KATNAL1: variants seen among roughly 807,000 people sequenced by gnomAD.
The protein encoded by KATNAL1 is katanin p60 ATPase-containing subunit A-like 1.
KATNAL1 carries 32 observed loss-of-function variants against 55.2 expected under a neutral mutation model. The observed-to-expected ratio is 0.58, with a 90% CI of 0.44 to 0.78. The LOEUF (loss-of-function observed/expected upper bound fraction) is 0.78. KATNAL1 is among the 30% of genes least tolerant of loss of function. KATNAL1 has a pLI of 0.00. For synonymous variants in KATNAL1, 193 were observed against 193.6 expected, an observed-to-expected ratio of 1.00 and a Z score of 0.02; for missense variants, 466 against 600.9, an observed-to-expected ratio of 0.78 and a Z score of 2.35.
chr13:30,222,540 A>C (rs1874984017), intron 9 of KATNAL1, among the ~76,000 whole-genome samples: 1 of 152,240 alleles, frequency 6.6e-6, no homozygotes. Flanking sequence ...CCAGAACTAC[A>C]GTCATCCAAG....
Position 30,230,537 on chromosome 13 carries a change from G to A in KATNAL1, c.943C>T (p.Arg315Ter), listed in dbSNP as rs1265045426. 3.7e-6 allele frequency: 6 copies of A among 1,612,344 alleles called. No homozygotes were observed. Among genetic ancestry groups the A allele is most frequent in the East Asian group, 2.2e-5 (1 of 44,850 alleles). ...TCATGTTCATCAGAGGTTCCTCTTC[G>A]ACTGCAGATAGAATCTATCTCATCA... Reference protein sequence around the residue: ...FIDEIDSICSRRGTSDEHEAS... With the variant: ...FIDEIDSICS Residue 315 changes from arginine (R) to a stop codon, truncating the protein, a stop_gained, in exon 8 of 11, where the codon CGA becomes TGA. Coordinates refer to ENST00000380615, the MANE Select transcript of KATNAL1 (RefSeq NM_032116.5). LOFTEE classifies it high-confidence loss of function.
chr13:30,299,636 T>C (rs1882740574), intron 1 of KATNAL1, among the ~76,000 whole-genome samples: 1 of 152,184 alleles, frequency 6.6e-6, no homozygotes, highest in Admixed American at 6.5e-5. Flanking sequence ...AAAGACAAAA[T>C]ATTTTAGCAA....
At position 30,203,492 on chromosome 13, in the gene KATNAL1, C is replaced by T. The variant is rs748198803; in HGVS notation, c.*5048G>A. On this transcript the variant is annotated 3_prime_UTR_variant, in exon 11 of 11. Transcript: ENST00000380615. ...AAAGTAAAAGTGCATTTTATAGTTTCGAACAATCAAATGGGAGTCCTTTTA... is the reference window on the plus strand; with the variant it reads ...AAAGTAAAAGTGCATTTTATAGTTTTGAACAATCAAATGGGAGTCCTTTTA... 8.5e-5 allele frequency: 13 copies of T among 152,276 alleles called. 1 individual carries two copies. The highest frequency in any genetic ancestry group is 8.3e-4 in the South Asian group (4 of 4,830). The allele number at this position is 152,276 out of a possible 1,614,324, so 9.4% of individuals were successfully genotyped here.
chr13:30,273,917 A>G (rs76572697), intron 3 of KATNAL1, among the ~76,000 whole-genome samples: 9,702 of 150,140 alleles, frequency 0.065, 460 homozygotes, highest in East Asian at 0.25. Context: ...TATCTCATTA[A>G]TCACCAAATC....
chr13:30,257,708 A>C (rs757194500), intron 3 of KATNAL1, among the ~76,000 whole-genome samples: 2 of 152,146 alleles, frequency 1.3e-5, no homozygotes, highest in Non-Finnish European at 2.9e-5. Flanking sequence ...CTGCATTCTG[A>C]GTGTTTGCCA....
intron 4 of KATNAL1, among the ~76,000 whole-genome samples, chr13:30,253,312 A>T (rs907302046): frequency 1.3e-5 from 2 of 152,152 alleles, no homozygotes; most frequent in African/African-American, 4.8e-5. Context: ...ACAACTGCGG[A>T]GTTCTTTTCT....
intron 1 of KATNAL1, chr13:30,296,149 G>T: frequency 2.0e-6 from 1 of 507,710 alleles, no homozygotes; most frequent in Non-Finnish European, 3.6e-6. Flanking sequence ...GTTCAGTCAT[G>T]GCCTCAGGTA....
At chr13:30,281,704 A>T (rs1001744166) in intron 2 of KATNAL1, 3 of 152,250 alleles carry the variant, frequency 2.0e-5, no homozygotes, top group African/African-American at 7.2e-5. Context: ...AACTTCAAAG[A>T]AACACTTGAC....
intron 9 of KATNAL1, among the ~76,000 whole-genome samples, chr13:30,225,907 A>G (rs557993311): frequency 6.6e-6 from 1 of 152,336 alleles, no homozygotes; most frequent in East Asian, 1.9e-4. Flanking sequence ...GAAAATATGC[A>G]CAATGCACAG....
At chr13:30,220,454 C>G (rs1334252512) in intron 9 of KATNAL1, among the ~76,000 whole-genome samples, 2 of 151,630 alleles carry the variant, frequency 1.3e-5, no homozygotes, top group African/African-American at 4.9e-5. Flanking sequence ...GAGCAAGACT[C>G]CATCTCAAAA....
chr13:30,271,876 A>T (rs1880391393), intron 3 of KATNAL1, among the ~76,000 whole-genome samples: 1 of 112,676 alleles, frequency 8.9e-6, no homozygotes, highest in Non-Finnish European at 1.9e-5. Flanking sequence ...AAAAGAAAAG[A>T]GGAAAAAAAA....
chr13:30,283,510 G>A, intron 2 of KATNAL1, 106 bp downstream of exon 2: 2 of 863,312 alleles, frequency 2.3e-6, no homozygotes, highest in Non-Finnish European at 1.7e-6. Context: ...AGATAAATAG[G>A]CACTATTTCC....
At chr13:30,211,005 T>C (rs531753403) in intron 9 of KATNAL1, among the ~76,000 whole-genome samples, 2 of 152,326 alleles carry the variant, frequency 1.3e-5, no homozygotes, top group African/African-American at 4.8e-5. Flanking sequence ...TGTTCCAGTA[T>C]GATTTAAATG....
rs9670332 is a variant in KATNAL1 at position 30,260,844 on chromosome 13, A to G, written c.324-5229T>C. On this transcript the variant is annotated intron_variant, in intron 3 of 10. Coordinates refer to ENST00000380615, the MANE Select transcript of KATNAL1 (RefSeq NM_032116.5). The stretch of plus-strand genomic sequence containing the variant: ...CCCCAATCTAGCAAGGCAGGCCAAC[A>G]TACAGATTCAGGAAATACAGAGAAC... Among the ~76,000 whole-genome samples, 639 of 133,844 alleles carry G rather than the reference A, an allele frequency of 4.8e-3. 5 individuals carry two copies. The highest frequency in any genetic ancestry group is 5.7e-3 in the Non-Finnish European group (331 of 57,668). 87.8% of individuals were successfully genotyped at this position (133,844 alleles called of 152,430 possible). A position where few individuals can be genotyped will look rare whatever the true frequency, so the allele number is the denominator to read the frequency against.
chr13:30,251,293 T>C (rs1878287024), intron 4 of KATNAL1, among the ~76,000 whole-genome samples: 1 of 152,190 alleles, frequency 6.6e-6, no homozygotes, highest in Non-Finnish European at 1.5e-5. Context: ...TATATCTGAC[T>C]CTAAGCTTAA....
chr13:30,255,311 C>CAAAAGACAAA, intron 4 of KATNAL1, 136 bp downstream of exon 4: 1 of 639,334 alleles, frequency 1.6e-6, no homozygotes, highest in Non-Finnish European at 2.4e-6. Flanking sequence ...ACAAAGACTA[C>CAAAAGACAAA]TTAGGCTTTG....
intron 1 of KATNAL1, among the ~76,000 whole-genome samples, chr13:30,294,160 T>C (rs1343983915): frequency 3.9e-5 from 6 of 152,168 alleles, no homozygotes; most frequent in Admixed American, 3.9e-4. Context: ...TGAAAGGGAA[T>C]AGTTGCATGT....
intron 4 of KATNAL1, among the ~76,000 whole-genome samples, chr13:30,253,789 A>G (rs1878554203): frequency 6.6e-6 from 1 of 152,226 alleles, no homozygotes; most frequent in Non-Finnish European, 1.5e-5. Flanking sequence ...GGTAAATCCA[A>G]TCCAGACTTT....
chr13:30,225,647 TACACACACACACACACAC>T (rs57630828), intron 9 of KATNAL1, among the ~76,000 whole-genome samples: 5 of 146,650 alleles, frequency 3.4e-5, no homozygotes, highest in Non-Finnish European at 7.5e-5. Context: ...ATGACTCATC[TACACACACACACACACAC>T]ACACACACAC....
Sources: allele counts gnomAD v4.1 joint callset (sites outside exome capture counted in the v4.1 genomes callset), GRCh38; gene constraint gnomAD v4.1.1; transcripts MANE v1.5; gene names NCBI Gene and HGNC (gene_info 2026-07-23, HGNC 2026-07-21).